CACNA2D3: variants seen among roughly 807,000 people sequenced by gnomAD.
CACNA2D3 encodes the protein voltage-dependent calcium channel subunit alpha-2/delta-3.
CACNA2D3 carries 60 observed loss-of-function variants against 160.6 expected under a neutral mutation model. The ratio of observed to expected loss-of-function variants is 0.37; its 90% CI spans 0.30 to 0.46. The LOEUF (loss-of-function observed/expected upper bound fraction) is 0.46. CACNA2D3 is among the 20% of genes least tolerant of loss of function. CACNA2D3 has a pLI of 1.00. For synonymous variants in CACNA2D3, 558 were observed against 492.9 expected (o/e 1.13, Z -1.75); for missense variants, 1,205 against 1,365.0 (o/e 0.88, Z 1.85).
At chr3:54,714,757 A>C (rs901868460) in intron 11 of CACNA2D3, among the ~76,000 whole-genome samples, 6 of 152,248 alleles carry the variant, frequency 3.9e-5, no homozygotes, top group African/African-American at 1.4e-4. Flanking sequence ...AATCGATAGC[A>C]AAGAGATAAC....
chr3:54,632,927 G>C (rs962076379), intron 10 of CACNA2D3: 4 of 152,214 alleles, frequency 2.6e-5, no homozygotes, highest in Non-Finnish European at 5.9e-5. Context: ...TTTGTGGTGT[G>C]ATAGCGGAGT....
At chr3:54,249,440 T>G (rs746767974) in intron 2 of CACNA2D3, among the ~76,000 whole-genome samples, 1 of 152,058 alleles carries the variant, frequency 6.6e-6, no homozygotes, top group Non-Finnish European at 1.5e-5. Context: ...CAGACTGTCT[T>G]TGAACTTTGT....
At chr3:54,993,295 G>T (rs1341501029) in intron 31 of CACNA2D3, among the ~76,000 whole-genome samples, 1 of 152,222 alleles carries the variant, frequency 6.6e-6, no homozygotes, top group South Asian at 2.1e-4. Flanking sequence ...AGGGCACCTT[G>T]CTCCAGCAAA....
At chr3:54,501,406 A>G (rs960362846) in intron 4 of CACNA2D3, among the ~76,000 whole-genome samples, 2 of 137,484 alleles carry the variant, frequency 1.5e-5, no homozygotes, top group African/African-American at 5.3e-5. Flanking sequence ...CTCTAACACT[A>G]TTTTTTTTTT....
rs113230543 is a variant in CACNA2D3, at chr3:54,148,519, T to C, written c.204+24925T>C. Among the ~76,000 whole-genome samples the C allele has an allele frequency of 5.8e-3, 878 of 152,136 alleles. 6 individuals are homozygous for C. The highest frequency in any genetic ancestry group is 0.02 in the African/African-American group (851 of 41,518). On this transcript the variant is annotated intron_variant, in intron 2 of 37. Transcript: ENST00000474759. ...TGGCAGGGGGTTGGGGTTTGCAGGGTCAGAGTCAGTGTGGCCTGAGCCCTC... is the reference window on the plus strand; with the variant it reads ...TGGCAGGGGGTTGGGGTTTGCAGGGCCAGAGTCAGTGTGGCCTGAGCCCTC...
intron 13 of CACNA2D3, among the ~76,000 whole-genome samples, chr3:54,789,652 G>A (rs1702708996): frequency 6.6e-6 from 1 of 152,186 alleles, no homozygotes. Context: ...TATTTGGACG[G>A]AAAGTTGATC....
intron 2 of CACNA2D3, among the ~76,000 whole-genome samples, chr3:54,151,442 G>A (rs1700150964): frequency 6.6e-6 from 1 of 151,602 alleles, no homozygotes; most frequent in Non-Finnish European, 1.5e-5. Context: ...GAAGGGATGG[G>A]TGAATGAATT....
At chr3:54,581,676 CT>C in intron 8 of CACNA2D3, 126 bp from the exon 9 acceptor site, 1 of 722,152 alleles carries the variant, frequency 1.4e-6, no homozygotes, top group African/African-American at 1.8e-5. Flanking sequence ...GAGAGTTCAC[CT>C]TATGTGAATA....
chr3:54,916,363 A>G (rs1700658986), intron 27 of CACNA2D3, among the ~76,000 whole-genome samples: 2 of 152,220 alleles, frequency 1.3e-5, no homozygotes, highest in Admixed American at 1.3e-4. Context: ...CACTACGTCC[A>G]TAAAGAAGGA....
intron 10 of CACNA2D3, among the ~76,000 whole-genome samples, chr3:54,630,956 C>A (rs1699224807): frequency 3.9e-5 from 6 of 152,104 alleles, no homozygotes; most frequent in Admixed American, 3.9e-4. Context: ...AATCCCAGCA[C>A]TTTGGGAGGG....
At chr3:54,846,731 C>T (rs796228918) in intron 17 of CACNA2D3, among the ~76,000 whole-genome samples, 84 of 152,230 alleles carry the variant, frequency 5.5e-4, no homozygotes, top group Admixed American at 4.0e-3. Flanking sequence ...CTCACATCTG[C>T]CAACATATGG....
chr3:54,170,988 G>T (rs1209362071), intron 2 of CACNA2D3, among the ~76,000 whole-genome samples: 1 of 151,948 alleles, frequency 6.6e-6, no homozygotes, highest in Non-Finnish European at 1.5e-5. Context: ...CCTAGACAGG[G>T]GGCCTGACCG....
chr3:54,127,129 C>G (rs954062022), intron 2 of CACNA2D3, among the ~76,000 whole-genome samples: 4 of 152,096 alleles, frequency 2.6e-5, no homozygotes, highest in Admixed American at 6.5e-5. Flanking sequence ...GACCTGCATT[C>G]GGGGAACCAA....
intron 18 of CACNA2D3, chr3:54,875,107 C>CA (rs1374095984): frequency 1.3e-5 from 2 of 151,890 alleles, no homozygotes; most frequent in African/African-American, 2.4e-5. Flanking sequence ...CCCTATAAGG[C>CA]AAAAAAGCCT....
intron 2 of CACNA2D3, among the ~76,000 whole-genome samples, chr3:54,257,987 C>T (rs7340675): frequency 0.26 from 39,688 of 152,020 alleles, 5,829 homozygotes; most frequent in African/African-American, 0.4. Context: ...CCCGATAGAA[C>T]TTGAGAGAAG....
intron 4 of CACNA2D3, among the ~76,000 whole-genome samples, chr3:54,454,088 G>A (rs1464756317): frequency 6.6e-6 from 1 of 152,164 alleles, no homozygotes; most frequent in Non-Finnish European, 1.5e-5. Context: ...AGTACTAACA[G>A]TCCTATGAAT....
intron 18 of CACNA2D3, among the ~76,000 whole-genome samples, chr3:54,872,615 C>G (rs1699561235): frequency 6.6e-6 from 1 of 152,174 alleles, no homozygotes; most frequent in East Asian, 1.9e-4. Flanking sequence ...CTGCAGCTTT[C>G]CTTCTTTCCA....
chr3:54,925,146 T>A (rs779680988), intron 27 of CACNA2D3: 2 of 1,614,070 alleles, frequency 1.2e-6, no homozygotes, highest in South Asian at 2.2e-5. Flanking sequence ...TGACTGACAG[T>A]AACACTTGTC....
chr3:54,571,843 C>A (rs892602487), intron 8 of CACNA2D3, among the ~76,000 whole-genome samples: 3 of 152,176 alleles, frequency 2.0e-5, no homozygotes, highest in African/African-American at 7.2e-5. Context: ...TTAGTCTGGG[C>A]ATCAGCTACC....
Sources: allele counts gnomAD v4.1 joint callset (sites outside exome capture counted in the v4.1 genomes callset), GRCh38; gene constraint gnomAD v4.1.1; transcripts MANE v1.5; gene names NCBI Gene and HGNC (gene_info 2026-07-23, HGNC 2026-07-21).